Variants in DPP6 observed in about 807,000 individuals in gnomAD.
DPP6 encodes dipeptidyl peptidase like 6.
Under a neutral mutation model 122.6 loss-of-function variants are expected in DPP6, and 69 were observed. That is an observed-to-expected ratio of 0.56 (90% confidence interval 0.46 to 0.69). DPP6 has a LOEUF of 0.69. Among genes scored for constraint, DPP6 ranks in the 30% least tolerant of loss-of-function variants. The probability of loss-of-function intolerance (pLI) is 0.00; values close to 1 mark genes in which losing one functional copy is unlikely to be tolerated. For synonymous variants in DPP6, 418 were observed against 433.1 expected (o/e 0.97, Z 0.43); for missense variants, 928 against 1,116.9 (o/e 0.83, Z 2.41).
At chr7:153,782,153 T>TG in the DPP6 span, among the ~76,000 whole-genome samples, 2 of 151,926 alleles carry the variant, frequency 1.3e-5, no homozygotes, top group Non-Finnish European at 2.9e-5. Flanking sequence ...CCCCATCTTT[T>TG]GGGGAGACCA....
the DPP6 span, among the ~76,000 whole-genome samples, chr7:153,840,824 G>T: frequency 6.6e-6 from 1 of 152,174 alleles, no homozygotes; most frequent in African/African-American, 2.4e-5. Flanking sequence ...GGTAATATTT[G>T]CCTCTAGCAA....
At chr7:153,942,317 T>G (rs1417006901) in intron 1 of DPP6, among the ~76,000 whole-genome samples, 3 of 152,212 alleles carry the variant, frequency 2.0e-5, no homozygotes, top group East Asian at 3.9e-4. Context: ...GCATTTAAAC[T>G]GCACACTTCA....
chr7:154,440,157 C>T lies in DPP6; in HGVS notation c.244-6057C>T, dbSNP rs150693519. 1.3e-4 allele frequency among the ~76,000 whole-genome samples: 20 copies of T among 152,240 alleles called. 1 individual carries two copies. The East Asian group carries it at 3.5e-3, about 26-fold the overall frequency. ...ATTAACTTCTAATTAATGAAATAAA[C>T]GGAGGTGTTGGGGAAGGTGGGATGA... On this transcript the variant is annotated intron_variant, in intron 1 of 25. Transcript: ENST00000377770.
intron 1 of DPP6, among the ~76,000 whole-genome samples, chr7:153,923,737 G>A (rs1800754338): frequency 7.6e-6 from 1 of 131,554 alleles, no homozygotes; most frequent in South Asian, 2.5e-4. Flanking sequence ...CTCCAGCCTG[G>A]GCAACAGAGC....
intron 1 of DPP6, among the ~76,000 whole-genome samples, chr7:153,956,960 T>C (rs7803838): frequency 0.38 from 58,452 of 151,988 alleles, 12,466 homozygotes; most frequent in East Asian, 0.6. Flanking sequence ...TAAAAAAAAT[T>C]CCGAAACCCA....
At chr7:153,940,226 C>A (rs1801635383) in intron 1 of DPP6, among the ~76,000 whole-genome samples, 1 of 152,122 alleles carries the variant, frequency 6.6e-6, no homozygotes, top group African/African-American at 2.4e-5. Context: ...GCTGACCTAG[C>A]CATGACAGCA....
intron 11 of DPP6, among the ~76,000 whole-genome samples, chr7:154,795,238 C>T (rs1450334246): frequency 1.3e-5 from 2 of 152,168 alleles, no homozygotes; most frequent in African/African-American, 4.8e-5. Flanking sequence ...TCCAGGGGCC[C>T]GGAGGTCCAG....
intron 1 of DPP6, among the ~76,000 whole-genome samples, chr7:154,245,029 C>G (rs1801882189): frequency 6.6e-6 from 1 of 150,802 alleles, no homozygotes; most frequent in Non-Finnish European, 1.5e-5. Context: ...TGGCTCACCA[C>G]AACCTCTGCC....
intron 1 of DPP6, among the ~76,000 whole-genome samples, chr7:154,083,743 G>A (rs1357002394): frequency 5.3e-5 from 8 of 150,244 alleles, no homozygotes; most frequent in South Asian, 4.2e-4. Flanking sequence ...AGGAGGGAAC[G>A]GCCAATCCCA....
At chr7:153,922,055 C>T (rs558411979) in intron 1 of DPP6, among the ~76,000 whole-genome samples, 6 of 152,334 alleles carry the variant, frequency 3.9e-5, no homozygotes, top group Admixed American at 1.3e-4. Flanking sequence ...CACTATTGAT[C>T]TGGTTCAACC....
the DPP6 span, among the ~76,000 whole-genome samples, chr7:153,825,382 C>G: frequency 6.6e-6 from 1 of 152,096 alleles, no homozygotes; most frequent in African/African-American, 2.4e-5. Flanking sequence ...GAAGTCTCCT[C>G]TGACTTCCCC....
At chr7:154,009,490 C>G (rs536777983) in intron 1 of DPP6, among the ~76,000 whole-genome samples, 1 of 150,272 alleles carries the variant, frequency 6.7e-6, no homozygotes, top group East Asian at 2.0e-4. Context: ...GATGCTTCAC[C>G]CTGGCTCCAT....
Position 154,892,560 on chromosome 7 carries a change from C to A in DPP6, c.*80C>A. On this transcript the variant is annotated 3_prime_UTR_variant, in exon 26 of 26. Transcript: ENST00000377770. ...GGGATTTCCCTGCCCTCCCTCTTCC[C>A]TCGGAGGGGCGGGGCGGGGCGGGGC... The A allele has an allele frequency of 6.4e-7, 1 of 1,556,728 alleles. No homozygotes were observed. Among genetic ancestry groups the A allele is most frequent in the Non-Finnish European group, 8.7e-7 (1 of 1,146,730 alleles).
At chr7:154,042,880 G>T (rs1585218871) in intron 1 of DPP6, among the ~76,000 whole-genome samples, 1 of 152,174 alleles carries the variant, frequency 6.6e-6, no homozygotes, top group African/African-American at 2.4e-5. Context: ...CTTTAATCAG[G>T]GTAGAAACCA....
chr7:154,466,673 T>G (rs557114019), intron 2 of DPP6, among the ~76,000 whole-genome samples: 142 of 152,216 alleles, frequency 9.3e-4, no homozygotes, highest in Non-Finnish European at 1.7e-3. Context: ...ACATTGGGGG[T>G]TAGGGTGTCA....
At chr7:153,863,729 C>G in the DPP6 span, among the ~76,000 whole-genome samples, 6 of 152,282 alleles carry the variant, frequency 3.9e-5, no homozygotes, top group African/African-American at 1.2e-4. Flanking sequence ...TCCCCACACC[C>G]CTTCCTCCTA....
At position 154,156,282 on chromosome 7, in the gene DPP6, A is replaced by G. The variant is rs1463167533; in HGVS notation, c.243+103219A>G. 5.3e-5 allele frequency among the ~76,000 whole-genome samples: 8 copies of G among 152,276 alleles called. No individual in the cohort carries two copies. In the East Asian group the frequency reaches 1.5e-3, roughly 29 times the overall value. On this transcript the variant is annotated intron_variant, in intron 1 of 25. Transcript: ENST00000377770. Reference sequence around the variant, plus strand: ...GGATGCTGTGAGACTGGGTCCCAGAACAGTGCTGGCCTGTTCATTTTGGAT... The same window carrying G: ...GGATGCTGTGAGACTGGGTCCCAGAGCAGTGCTGGCCTGTTCATTTTGGAT...
chr7:154,608,339 A>T (rs147722163), intron 5 of DPP6, among the ~76,000 whole-genome samples: 23,580 of 118,668 alleles, frequency 0.2, 3,436 homozygotes, highest in African/African-American at 0.38. Flanking sequence ...ATATATATAT[A>T]TATTTTGAGA....
chr7:154,115,387 T>G (rs960722128), intron 1 of DPP6, among the ~76,000 whole-genome samples: 1 of 152,202 alleles, frequency 6.6e-6, no homozygotes, highest in Non-Finnish European at 1.5e-5. Flanking sequence ...CCTCCTGGCT[T>G]TAGTTGAACA....
Sources: gnomAD v4.1 joint callset for allele counts (sites outside exome capture counted in the v4.1 genomes callset) on GRCh38, gnomAD v4.1.1 for gene constraint, MANE v1.5 for transcripts, NCBI Gene and HGNC (gene_info 2026-07-23, HGNC 2026-07-21) for gene names.